AKAP19: variants seen among roughly 807,000 people sequenced by gnomAD.
The protein encoded by AKAP19 is small A-kinase anchoring protein.
chr2:190,181,218 C>A, the AKAP19 span: 1 of 918,384 alleles, frequency 1.1e-6, no homozygotes, highest in Non-Finnish European at 1.3e-6. Flanking sequence ...CCATGAGTTA[C>A]AGGAGGCTTT....
chr2:190,076,806 G>A, the AKAP19 span, among the ~76,000 whole-genome samples: 16 of 152,098 alleles, frequency 1.1e-4, no homozygotes, highest in South Asian at 6.2e-4. Context: ...GGATTTGGGG[G>A]TTTATAGTTT....
the AKAP19 span, among the ~76,000 whole-genome samples, chr2:190,020,743 ACTCC>A: frequency 2.0e-5 from 3 of 151,664 alleles, no homozygotes; most frequent in Admixed American, 2.0e-4. Flanking sequence ...TTAAACACTA[ACTCC>A]CTATTCCCCC....
chr2:190,006,746 C>T, the AKAP19 span, among the ~76,000 whole-genome samples: 2 of 151,202 alleles, frequency 1.3e-5, no homozygotes, highest in African/African-American at 4.9e-5. Context: ...AGGCCAGGCG[C>T]GGTGGCTCAC....
At chr2:190,018,539 G>A in the AKAP19 span, among the ~76,000 whole-genome samples, 12 of 151,838 alleles carry the variant, frequency 7.9e-5, 1 homozygote, top group East Asian at 1.7e-3. Flanking sequence ...GATTTCACAT[G>A]TTTTCTATTT....
At chr2:189,959,804 A>G in the AKAP19 span, among the ~76,000 whole-genome samples, 2 of 152,332 alleles carry the variant, frequency 1.3e-5, no homozygotes, top group African/African-American at 2.4e-5. Context: ...ATATTTCATG[A>G]TTCATTAGCT....
At chr2:190,104,117 G>T in the AKAP19 span, among the ~76,000 whole-genome samples, 4 of 152,172 alleles carry the variant, frequency 2.6e-5, no homozygotes, top group Non-Finnish European at 4.4e-5. Context: ...ATGATGCTAG[G>T]ATAGCTGGCT....
At chr2:190,146,465 T>A in the AKAP19 span, among the ~76,000 whole-genome samples, 1 of 152,244 alleles carries the variant, frequency 6.6e-6, no homozygotes, top group South Asian at 2.1e-4. Context: ...TAAACATGCA[T>A]GTGCAAGTAT....
chr2:189,949,983 T>C, the AKAP19 span, among the ~76,000 whole-genome samples: 1 of 151,310 alleles, frequency 6.6e-6, no homozygotes, highest in African/African-American at 2.4e-5. Context: ...TTTGAAAGTC[T>C]AAAGTTACAG....
chr2:190,038,607 G>A, the AKAP19 span, among the ~76,000 whole-genome samples: 2 of 152,016 alleles, frequency 1.3e-5, no homozygotes, highest in Admixed American at 6.6e-5. Flanking sequence ...TCCCCCAAAA[G>A]GGAGCAAGGA....
chr2:190,140,133 C>A, the AKAP19 span, among the ~76,000 whole-genome samples: 1 of 152,206 alleles, frequency 6.6e-6, no homozygotes, highest in Non-Finnish European at 1.5e-5. Context: ...CCAGGTCTCA[C>A]ATCCAGGTCA....
chr2:189,922,764 C>G, the AKAP19 span, among the ~76,000 whole-genome samples: 1 of 152,122 alleles, frequency 6.6e-6, no homozygotes, highest in African/African-American at 2.4e-5. Context: ...AAAGTTTAAC[C>G]TGGCCCTAAC....
the AKAP19 span, among the ~76,000 whole-genome samples, chr2:190,113,168 T>C: frequency 6.6e-6 from 1 of 152,320 alleles, no homozygotes; most frequent in South Asian, 2.1e-4. Flanking sequence ...ATTATATTGT[T>C]TATTCACACC....
the AKAP19 span, among the ~76,000 whole-genome samples, chr2:189,902,085 A>G: frequency 2.0e-5 from 3 of 152,042 alleles, no homozygotes; most frequent in Admixed American, 1.3e-4. Context: ...TACTTTTTAT[A>G]ATTATTGCTA....
the AKAP19 span, among the ~76,000 whole-genome samples, chr2:190,190,451 C>G: frequency 6.6e-6 from 1 of 152,122 alleles, no homozygotes; most frequent in African/African-American, 2.4e-5. Flanking sequence ...ATTTGATTTG[C>G]CTACTGATGG....
the AKAP19 span, among the ~76,000 whole-genome samples, chr2:190,063,961 C>G: frequency 3.3e-5 from 5 of 152,228 alleles, no homozygotes; most frequent in South Asian, 1.0e-3. Context: ...CTTTTTCCTA[C>G]TCCTTTTTGG....
chr2:190,182,151 A>G, the AKAP19 span, among the ~76,000 whole-genome samples: 2 of 152,300 alleles, frequency 1.3e-5, no homozygotes, highest in African/African-American at 4.8e-5. Flanking sequence ...TGAACACTTC[A>G]GTGACAGGAA....
chr2:190,161,769 G>A, the AKAP19 span, among the ~76,000 whole-genome samples: 3 of 151,978 alleles, frequency 2.0e-5, no homozygotes, highest in Non-Finnish European at 4.4e-5. Flanking sequence ...ACTTACTTTT[G>A]GATAAACAAG....
chr2:189,933,103 GAAAA>G, the AKAP19 span, among the ~76,000 whole-genome samples: 3 of 152,126 alleles, frequency 2.0e-5, no homozygotes, highest in East Asian at 5.8e-4. Context: ...TCAGATTTGA[GAAAA>G]AACTTATATA....
chr2:189,973,927 C>A, the AKAP19 span, among the ~76,000 whole-genome samples: 1 of 151,964 alleles, frequency 6.6e-6, no homozygotes, highest in Non-Finnish European at 1.5e-5. Flanking sequence ...TTTCAAAAAA[C>A]CAACTCCTGG....
Sources: gnomAD v4.1 joint callset for allele counts (sites outside exome capture counted in the v4.1 genomes callset) on GRCh38, gnomAD v4.1.1 for gene constraint, MANE v1.5 for transcripts, NCBI Gene and HGNC (gene_info 2026-07-23, HGNC 2026-07-21) for gene names.